Variants in TMX2 observed in about 807,000 individuals in gnomAD.
The protein encoded by TMX2 is thioredoxin-related transmembrane protein 2.
A neutral mutation model predicts 33.4 loss-of-function variants in TMX2; 20 were observed. That is an observed-to-expected ratio of 0.60 (90% CI 0.42 to 0.87). The LOEUF (loss-of-function observed/expected upper bound fraction) is 0.87, where lower values mean the gene tolerates loss of function less well. Ranked by LOEUF, TMX2 falls within the 40% of genes least tolerant of loss-of-function variation. TMX2 has a pLI of 0.00. For synonymous variants in TMX2, 166 were observed against 140.7 expected (o/e 1.18, Z -1.27); for missense variants, 340 against 370.7 (o/e 0.92, Z 0.68).
chr11:57,716,968 G>T (rs1302101639), intron 1 of TMX2, among the ~76,000 whole-genome samples: 1 of 146,420 alleles, frequency 6.8e-6, no homozygotes, highest in African/African-American at 2.6e-5. Context: ...TGGGCGGAGG[G>T]TCTCCTCACT....
At chr11:57,731,442 T>TC (rs201080030) in intron 1 of TMX2, among the ~76,000 whole-genome samples, 1,902 of 148,342 alleles carry the variant, frequency 0.013, 31 homozygotes, top group African/African-American at 0.045. Context: ...CCTTTTTTTT[T>TC]TTTTTTTTTT....
chr11:57,736,442 A>G (rs1948755546), intron 1 of TMX2, among the ~76,000 whole-genome samples: 2 of 152,174 alleles, frequency 1.3e-5, no homozygotes, highest in African/African-American at 2.4e-5. Flanking sequence ...TGTGAGCCAC[A>G]GGTTGGACAA....
Position 57,717,387 on chromosome 11 carries a change from C to T in TMX2, c.189+4580C>T, listed in dbSNP as rs1229886202. ...TGGAGGTTGTAGCGAGCTGAGATCA[C>T]GCCACTGCACTCCAGCCTGGGCACC... On this transcript the variant is annotated intron_variant, in intron 1 of 7. Transcript: ENST00000278422. Among the ~76,000 whole-genome samples the T allele has an allele frequency of 5.3e-5, 8 of 151,968 alleles. No individual in the cohort carries two copies. The South Asian group carries it at 1.7e-3, about 32-fold the overall frequency.
chr11:57,739,335 T>G, intron 7 of TMX2, 75 bp downstream of exon 7: 1 of 1,525,400 alleles, frequency 6.6e-7, no homozygotes, highest in Non-Finnish European at 9.1e-7. Context: ...CCGGGTTTGA[T>G]TCACAGCTCT....
intron 1 of TMX2, among the ~76,000 whole-genome samples, chr11:57,733,056 C>A (rs574523947): frequency 6.6e-6 from 1 of 152,170 alleles, no homozygotes; most frequent in Admixed American, 6.6e-5. Context: ...CTAAATATAT[C>A]TAAACACAGA....
intron 1 of TMX2, chr11:57,718,339 C>T: frequency 1.3e-6 from 2 of 1,547,406 alleles, no homozygotes; most frequent in South Asian, 2.2e-5. Flanking sequence ...CGTGTGAAGT[C>T]ACCACCTGAT....
intron 1 of TMX2, among the ~76,000 whole-genome samples, chr11:57,735,325 C>A (rs146568014): frequency 2.0e-5 from 3 of 151,872 alleles, no homozygotes; most frequent in African/African-American, 7.3e-5. Context: ...TCTTCTGCCT[C>A]AGCCTCCTGA....
chr11:57,735,137 AG>A (rs1948664038), intron 1 of TMX2, among the ~76,000 whole-genome samples: 5 of 152,152 alleles, frequency 3.3e-5, no homozygotes, highest in Admixed American at 3.3e-4. Flanking sequence ...CTCAAAAAAA[AG>A]AAAAAATCTT....
chr11:57,717,653 G>A (rs1236062795), intron 1 of TMX2, among the ~76,000 whole-genome samples: 1 of 147,992 alleles, frequency 6.8e-6, no homozygotes, highest in African/African-American at 2.5e-5. Context: ...GATGGCAGCA[G>A]TACAGTCCAG....
In TMX2 at chr11:57,718,511, A is replaced by G. The variant is rs1205574328; in HGVS notation, c.189+5704A>G. ...GGGCTCACCATCCACGGTGATGTCA[A>G]AGAACACGGGGTTGACCATGGCTGA... On this transcript the variant is annotated intron_variant, in intron 1 of 7. Coordinates refer to ENST00000278422, the MANE Select transcript of TMX2 (RefSeq NM_015959.4). 2.2e-5 allele frequency: 17 copies of G among 786,922 alleles called. No individual in the cohort carries two copies. In the East Asian group the frequency reaches 2.5e-4, roughly 11 times the overall value. The allele number at this position is 786,922 out of a possible 1,614,324, so 48.7% of individuals were successfully genotyped here.
chr11:57,726,550 A>C (rs1287138284), intron 1 of TMX2, among the ~76,000 whole-genome samples: 1 of 151,688 alleles, frequency 6.6e-6, no homozygotes, highest in Non-Finnish European at 1.5e-5. Context: ...ATGGCCTAAA[A>C]CAATTGACTA....
chr11:57,733,508 C>T (rs1009580884), intron 1 of TMX2, among the ~76,000 whole-genome samples: 23 of 151,912 alleles, frequency 1.5e-4, no homozygotes, highest in Admixed American at 3.9e-4. Context: ...CCACCCGCCT[C>T]GGCCTCCCAA....
Position 57,738,039 on chromosome 11 carries a change from C to T in TMX2, c.364+13C>T, listed in dbSNP as rs1301995416. ...ACACTCTGCATAGGTGAGGAGACTG[C>T]CTTTCTTTCTTTTTTTTTTTTTGTA... On this transcript the variant is annotated intron_variant, in intron 3 of 7. Coordinates refer to ENST00000278422, the MANE Select transcript of TMX2 (RefSeq NM_015959.4). 3.9e-6 allele frequency: 6 copies of T among 1,556,902 alleles called. No individual in the cohort carries two copies. The highest frequency in any genetic ancestry group is 1.4e-5 in the African/African-American group (1 of 72,012).
In TMX2 at chr11:57,720,349, A is replaced by G. The variant is rs185466261; in HGVS notation, c.189+7542A>G. Among the ~76,000 whole-genome samples the G allele has an allele frequency of 4.3e-4, 65 of 152,370 alleles. 1 individual carries two copies. Among genetic ancestry groups the G allele is most frequent in the Admixed American group, 2.5e-3 (39 of 15,306 alleles). On this transcript the variant is annotated intron_variant, in intron 1 of 7. Coordinates refer to ENST00000278422, the MANE Select transcript of TMX2 (RefSeq NM_015959.4). ...TGTGTTTATTGTGTATATGGTACCA[A>G]TAACGAATGAGTACCCCCAAAAGTC... is the stretch of plus-strand genomic sequence containing the variant.
intron 1 of TMX2, among the ~76,000 whole-genome samples, chr11:57,729,923 C>G (rs1281741013): frequency 6.6e-6 from 1 of 151,710 alleles, no homozygotes; most frequent in Non-Finnish European, 1.5e-5. Context: ...GCCTGGCCAA[C>G]ATGGTGAAAC....
chr11:57,738,854 G>T (rs1948910782), intron 5 of TMX2, 84 bp downstream of exon 5: 1 of 1,547,118 alleles, frequency 6.5e-7, no homozygotes, highest in African/African-American at 1.4e-5. Flanking sequence ...TTTTCTTTTG[G>T]CCTTGATTTT....
chr11:57,721,406 T>C (rs1389778877), intron 1 of TMX2, among the ~76,000 whole-genome samples: 2 of 146,836 alleles, frequency 1.4e-5, no homozygotes, highest in African/African-American at 5.1e-5. Context: ...TGGAGTGCAA[T>C]GGCTCAGTCT....
intron 3 of TMX2, 73 bp downstream of exon 3, chr11:57,738,099 A>G: frequency 1.6e-6 from 2 of 1,231,224 alleles, no homozygotes; most frequent in Non-Finnish European, 2.3e-6. Flanking sequence ...TGGAAACCAC[A>G]GTCCCAACAG....
chr11:57,735,263 C>T (rs1002810146), intron 1 of TMX2, among the ~76,000 whole-genome samples: 9 of 151,566 alleles, frequency 5.9e-5, no homozygotes, highest in Admixed American at 4.6e-4. Flanking sequence ...GGCTGGAGTG[C>T]AGTGGCACGA....
Sources: gnomAD v4.1 joint callset for allele counts (sites outside exome capture counted in the v4.1 genomes callset) on GRCh38, gnomAD v4.1.1 for gene constraint, MANE v1.5 for transcripts, NCBI Gene and HGNC (gene_info 2026-07-23, HGNC 2026-07-21) for gene names.